The following GLIS3 variants were observed in gnomAD, a reference collection of about 807,000 sequenced individuals.
GLIS3 encodes the protein zinc finger protein GLIS3.
In GLIS3, 53 loss-of-function variants were observed where a neutral mutation model predicts 78.6. The ratio of observed to expected loss-of-function variants is 0.67; its 90% CI spans 0.54 to 0.85. The LOEUF (loss-of-function observed/expected upper bound fraction) is 0.85, where lower values mean the gene tolerates loss of function less well. Ranked by LOEUF, GLIS3 falls within the 40% of genes least tolerant of loss-of-function variation. The probability of loss-of-function intolerance (pLI) is 0.00; values close to 1 mark genes in which losing one functional copy is unlikely to be tolerated. For synonymous variants in GLIS3, 684 were observed against 509.9 expected, an observed-to-expected ratio of 1.34 and a Z score of -4.60; for missense variants, 1,703 against 1,231.1, an observed-to-expected ratio of 1.38 and a Z score of -5.74.
At chr9:4,111,319 T>C (rs1831191826) in intron 4 of GLIS3, among the ~76,000 whole-genome samples, 1 of 152,236 alleles carries the variant, frequency 6.6e-6, no homozygotes, top group African/African-American at 2.4e-5. Context: ...AGGGTTGCTC[T>C]CATTATCTAT....
intron 6 of GLIS3, among the ~76,000 whole-genome samples, chr9:3,920,236 C>T (rs1034531590): frequency 6.6e-6 from 1 of 152,134 alleles, no homozygotes; most frequent in African/African-American, 2.4e-5. Context: ...ATCTCCTGAC[C>T]TCGTGATCCA....
chr9:4,178,698 A>C (rs1046999587), intron 2 of GLIS3, among the ~76,000 whole-genome samples: 8 of 152,182 alleles, frequency 5.3e-5, no homozygotes, highest in Non-Finnish European at 1.0e-4. Context: ...GAATGACTAC[A>C]CTGTCTTAGA....
chr9:4,182,730 T>C lies in GLIS3; in HGVS notation c.389-56789A>G, dbSNP rs562583202. 4.6e-5 allele frequency among the ~76,000 whole-genome samples: 7 copies of C among 152,312 alleles called. No homozygotes were observed. The East Asian group carries it at 1.4e-3, about 29-fold the overall frequency. On this transcript the variant is annotated intron_variant, in intron 2 of 10. Transcript: ENST00000381971. ...ATATATGAGATCATTGGCGACTATC[T>C]TGGAGACTTAGCTACCACTAATGTC...
At chr9:4,271,540 C>T (rs904678912) in intron 2 of GLIS3, among the ~76,000 whole-genome samples, 2 of 152,140 alleles carry the variant, frequency 1.3e-5, no homozygotes, top group African/African-American at 4.8e-5. Flanking sequence ...CAGAAAAGAT[C>T]ATGTTGCCTA....
rs1817821755 is a variant in GLIS3 at position 3,828,094 on chromosome 9, A to G, written c.*178T>C. On this transcript the variant is annotated 3_prime_UTR_variant, in exon 11 of 11. Coordinates refer to ENST00000381971, the MANE Select transcript of GLIS3 (RefSeq NM_001042413.2). ...CCAGAGAGAAAAAGGAGCAACTGTAATGATTCCTGCAAAGCTAGCTCTGCC... is the reference window on the plus strand; with the variant it reads ...CCAGAGAGAAAAAGGAGCAACTGTAGTGATTCCTGCAAAGCTAGCTCTGCC... The G allele has an allele frequency of 7.3e-6, 5 of 687,812 alleles. No individual in the cohort carries two copies. The highest frequency in any genetic ancestry group is 7.5e-6 in the Non-Finnish European group (3 of 398,230). The allele number at this position is 687,812 out of a possible 1,614,324, so 42.6% of individuals were successfully genotyped here. A position where few individuals can be genotyped will look rare whatever the true frequency, so the allele number is the denominator to read the frequency against.
At chr9:3,928,020 T>G (rs778686335) in intron 6 of GLIS3, among the ~76,000 whole-genome samples, 1 of 152,242 alleles carries the variant, frequency 6.6e-6, no homozygotes, top group Admixed American at 6.5e-5. Flanking sequence ...TATTCAGGTA[T>G]GTCTCACCAT....
chr9:4,368,783 G>A, the GLIS3 span, among the ~76,000 whole-genome samples: 92 of 152,238 alleles, frequency 6.0e-4, no homozygotes, highest in African/African-American at 2.1e-3. Context: ...CACTGGAGTC[G>A]GTTTTGAAGG....
chr9:4,087,902 C>A (rs1323790682), intron 4 of GLIS3, among the ~76,000 whole-genome samples: 1 of 152,170 alleles, frequency 6.6e-6, no homozygotes, highest in Admixed American at 6.5e-5. Context: ...ACCTTGGTTA[C>A]CTCACTTCTA....
At chr9:4,230,749 A>G (rs1822185163) in intron 2 of GLIS3, among the ~76,000 whole-genome samples, 1 of 152,234 alleles carries the variant, frequency 6.6e-6, no homozygotes, top group African/African-American at 2.4e-5. Flanking sequence ...TAAAAGAAAT[A>G]GCATAAAAAG....
the GLIS3 span, among the ~76,000 whole-genome samples, chr9:4,368,152 T>C: frequency 6.6e-6 from 1 of 152,186 alleles, no homozygotes; most frequent in African/African-American, 2.4e-5. Context: ...TTATATCAGC[T>C]TTTAAGTGGT....
chr9:4,427,715 C>A, the GLIS3 span, among the ~76,000 whole-genome samples: 1 of 151,692 alleles, frequency 6.6e-6, no homozygotes, highest in Non-Finnish European at 1.5e-5. Flanking sequence ...AAAAAGTAGC[C>A]AGGTGTGGTG....
intron 2 of GLIS3, among the ~76,000 whole-genome samples, chr9:4,331,189 C>A (rs1350838902): frequency 2.0e-5 from 3 of 152,168 alleles, no homozygotes; most frequent in African/African-American, 4.8e-5. Flanking sequence ...AGAGATGAAT[C>A]CTTTGTTCTT....
intron 4 of GLIS3, among the ~76,000 whole-genome samples, chr9:4,109,503 G>A (rs895028536): frequency 6.6e-6 from 1 of 152,154 alleles, no homozygotes; most frequent in African/African-American, 2.4e-5. Flanking sequence ...TGTTTCATAT[G>A]ATAGCTGCCA....
intron 2 of GLIS3, among the ~76,000 whole-genome samples, chr9:4,208,891 GAT>G (rs1298944321): frequency 6.6e-6 from 1 of 152,120 alleles, no homozygotes; most frequent in Non-Finnish European, 1.5e-5. Flanking sequence ...CAGCTTTCAT[GAT>G]ATTCCTTTCC....
chr9:4,096,642 C>T (rs806033), intron 4 of GLIS3, among the ~76,000 whole-genome samples: 1 of 151,896 alleles, frequency 6.6e-6, no homozygotes, highest in South Asian at 2.1e-4. Context: ...GTGATGTGAT[C>T]CAGTCTTCTA....
At chr9:4,026,711 G>T (rs1823379815) in intron 4 of GLIS3, among the ~76,000 whole-genome samples, 1 of 152,022 alleles carries the variant, frequency 6.6e-6, no homozygotes, top group Non-Finnish European at 1.5e-5. Flanking sequence ...CATATTTATT[G>T]GACTATTTTT....
chr9:4,186,740 T>C (rs1032441609), intron 2 of GLIS3, among the ~76,000 whole-genome samples: 4 of 152,202 alleles, frequency 2.6e-5, no homozygotes, highest in African/African-American at 9.7e-5. Context: ...TGCATTTCTC[T>C]GATGGCCAGT....
rs147596749 is a variant in GLIS3 at position 4,185,466 on chromosome 9, G to A, written c.389-59525C>T. 2.6e-5 allele frequency among the ~76,000 whole-genome samples: 4 copies of A among 152,168 alleles called. No homozygotes were observed. In the East Asian group the frequency reaches 7.7e-4, roughly 29 times the overall value. ...GTACTAATATATACTTTTTTGTAGGGAGAAAAAAGTGGTAGAATATCAACA... is the reference window on the plus strand; with the variant it reads ...GTACTAATATATACTTTTTTGTAGGAAGAAAAAAGTGGTAGAATATCAACA... On this transcript the variant is annotated intron_variant, in intron 2 of 10. Coordinates refer to ENST00000381971, the MANE Select transcript of GLIS3 (RefSeq NM_001042413.2).
chr9:4,183,913 A>G (rs1817550388), intron 2 of GLIS3, among the ~76,000 whole-genome samples: 2 of 152,336 alleles, frequency 1.3e-5, no homozygotes, highest in African/African-American at 4.8e-5. Context: ...GCTGCTGTCT[A>G]GCATAGTAGG....
Sources: gnomAD v4.1 joint callset for allele counts (sites outside exome capture counted in the v4.1 genomes callset) on GRCh38, gnomAD v4.1.1 for gene constraint, MANE v1.5 for transcripts, NCBI Gene and HGNC (gene_info 2026-07-23, HGNC 2026-07-21) for gene names.